Variants in WDR27 observed in about 807,000 individuals in gnomAD.
WDR27 encodes WD repeat-containing protein 27.
In WDR27, 100 loss-of-function variants were observed where a neutral mutation model predicts 114.4. That is an observed-to-expected ratio of 0.87 (90% CI 0.74 to 1.03). The LOEUF (loss-of-function observed/expected upper bound fraction) is 1.03. WDR27 is among the 50% of genes least tolerant of loss of function. The pLI is 0.00. For synonymous variants in WDR27, 449 were observed against 423.1 expected (o/e 1.06, Z -0.75); for missense variants, 1,129 against 1,092.9 (o/e 1.03, Z -0.47).
intron 25 of WDR27, among the ~76,000 whole-genome samples, chr6:169,507,392 G>A (rs73789984): frequency 0.016 from 2,499 of 152,278 alleles, 65 homozygotes; most frequent in African/African-American, 0.057. Context: ...GGCTGGGCAC[G>A]CTCTGCTTCA....
rs560399990 is a variant in WDR27, at chr6:169,618,627, C to CAAAA, written c.2224-4975_2224-4972dup. ...TAATGGTGGTGCACTTGGATGACTG[C>CAAAA]AAAAAAAAAAAAAAAAAAAAAACAT... On this transcript the variant is annotated intron_variant, in intron 21 of 25. Transcript: ENST00000448612. Among the ~76,000 whole-genome samples, 149 of 91,902 alleles carry CAAAA rather than the reference C, an allele frequency of 1.6e-3. 2 individuals carry two copies. Among genetic ancestry groups the CAAAA allele is most frequent in the Middle Eastern group, 0.02 (2 of 98 alleles). The allele number at this position is 91,902 out of a possible 152,430, so 60.3% of individuals were successfully genotyped here.
chr6:169,683,691 G>C (rs1176482371), intron 2 of WDR27, among the ~76,000 whole-genome samples: 1 of 152,188 alleles, frequency 6.6e-6, no homozygotes, highest in Non-Finnish European at 1.5e-5. Flanking sequence ...CAACTCCCCT[G>C]CCTGGGTCAA....
chr6:169,552,612 T>G (rs1212126010), intron 25 of WDR27, among the ~76,000 whole-genome samples: 1 of 152,186 alleles, frequency 6.6e-6, no homozygotes, highest in Non-Finnish European at 1.5e-5. Context: ...AAAGGCAAGA[T>G]TCATGCCAGG....
intron 22 of WDR27, among the ~76,000 whole-genome samples, chr6:169,607,598 T>C (rs1486120529): frequency 1.3e-5 from 2 of 152,012 alleles, no homozygotes; most frequent in Admixed American, 6.6e-5. Context: ...ACATAGAGTA[T>C]GAAACCATAG....
At chr6:169,487,066 G>A (rs1001010464) in intron 25 of WDR27, among the ~76,000 whole-genome samples, 1 of 152,144 alleles carries the variant, frequency 6.6e-6, no homozygotes, top group African/African-American at 2.4e-5. Flanking sequence ...TTTGAATCCT[G>A]GCAGTGCCAT....
intron 2 of WDR27, among the ~76,000 whole-genome samples, chr6:169,688,281 T>C (rs1399118789): frequency 6.6e-6 from 1 of 152,174 alleles, no homozygotes; most frequent in Non-Finnish European, 1.5e-5. Context: ...AAGTACGTAA[T>C]GTATAATCAC....
intron 8 of WDR27, among the ~76,000 whole-genome samples, 195 bp from the exon 9 acceptor site, chr6:169,662,619 G>A (rs75129247): frequency 0.08 from 10,845 of 135,226 alleles, 5 homozygotes; most frequent in African/African-American, 0.11. Flanking sequence ...ATCACGCGTC[G>A]AGGAAAGCAC....
chr6:169,514,308 G>A (rs1793335558), intron 25 of WDR27, among the ~76,000 whole-genome samples: 1 of 150,814 alleles, frequency 6.6e-6, no homozygotes, highest in Non-Finnish European at 1.5e-5. Flanking sequence ...ATAGAAAAGA[G>A]AAGTCAAACT....
chr6:169,573,655 A>G (rs1291687000), intron 24 of WDR27, among the ~76,000 whole-genome samples: 3 of 152,252 alleles, frequency 2.0e-5, no homozygotes, highest in African/African-American at 7.2e-5. Context: ...TATAAAATCA[A>G]TTTGATAATA....
At chr6:169,643,809 AG>A (rs1366785692) in intron 16 of WDR27, 23 bp from the exon 17 acceptor site, 1 of 1,593,978 alleles carries the variant, frequency 6.3e-7, no homozygotes, top group Non-Finnish European at 8.6e-7. Context: ...TTTTAAAAAA[AG>A]ACTTCTTAGA....
rs1782333174 is a variant in WDR27, at chr6:169,684,245, G to A, written c.189+4572C>T. On this transcript the variant is annotated intron_variant, in intron 2 of 25. Transcript: ENST00000448612. The surrounding 1 kb of genome is among the most constrained non-coding windows in gnomAD (Gnocchi z 4.3). Reference sequence around the variant, plus strand: ...CAAACCATTGCACACCCTCCTCAAAGCAGGAGAGGCTCCTGAGACTCCTAA... The same window carrying A: ...CAAACCATTGCACACCCTCCTCAAAACAGGAGAGGCTCCTGAGACTCCTAA... Among the ~76,000 whole-genome samples, 1 of 152,094 alleles carries A rather than the reference G, an allele frequency of 6.6e-6. No homozygotes were observed. Among genetic ancestry groups the A allele is most frequent in the Admixed American group, 6.5e-5 (1 of 15,272 alleles).
chr6:169,697,037 G>C (rs1194481798), intron 1 of WDR27, among the ~76,000 whole-genome samples: 2 of 152,226 alleles, frequency 1.3e-5, no homozygotes, highest in Non-Finnish European at 2.9e-5. Flanking sequence ...CGAGGCAAGA[G>C]ACCGAGGACA....
chr6:169,695,731 C>T (rs978362837), intron 1 of WDR27, among the ~76,000 whole-genome samples: 6 of 152,192 alleles, frequency 3.9e-5, no homozygotes, highest in African/African-American at 1.4e-4. Context: ...TTAGGCTACA[C>T]AGCCAAGGGA....
At chr6:169,691,288 AAAAC>A (rs1424126952) in intron 1 of WDR27, among the ~76,000 whole-genome samples, 4 of 152,360 alleles carry the variant, frequency 2.6e-5, no homozygotes, top group South Asian at 2.1e-4. Context: ...TATTTGGAGA[AAAAC>A]AAAATAAAAG....
At chr6:169,527,865 T>C (rs1488447848) in intron 25 of WDR27, among the ~76,000 whole-genome samples, 1 of 152,178 alleles carries the variant, frequency 6.6e-6, no homozygotes, top group Non-Finnish European at 1.5e-5. Flanking sequence ...GAAATATTTA[T>C]TGTAAAGCTA....
At chr6:169,665,359 C>T in intron 7 of WDR27, 127 bp downstream of exon 7, 1 of 1,443,884 alleles carries the variant, frequency 6.9e-7, no homozygotes, top group South Asian at 1.5e-5. Context: ...ACGTTCTCAG[C>T]ACTGAGGTGG....
chr6:169,690,690 TAGAA>T (rs888944009), intron 1 of WDR27, among the ~76,000 whole-genome samples: 2 of 152,102 alleles, frequency 1.3e-5, no homozygotes, highest in Non-Finnish European at 2.9e-5. Flanking sequence ...AGGAATTGCA[TAGAA>T]AGAAAGAGCA....
At chr6:169,540,632 T>G (rs1209054921) in intron 25 of WDR27, among the ~76,000 whole-genome samples, 1 of 152,036 alleles carries the variant, frequency 6.6e-6, no homozygotes, top group Non-Finnish European at 1.5e-5. Context: ...GTTTCACCAT[T>G]TTTTGGTCAG....
chr6:169,582,894 C>T lies in WDR27; in HGVS notation c.2465G>A (p.Arg822Gln), dbSNP rs370224643. 26 of 1,613,776 alleles carry T rather than the reference C, an allele frequency of 1.6e-5. No homozygotes were observed. The highest frequency in any genetic ancestry group is 1.6e-4 in the Middle Eastern group (1 of 6,084). The change falls in exon 24 of 26, where the codon CGG (arginine) becomes CAG (glutamine). Residue 822 changes from arginine to glutamine, a missense_variant. Physicochemically the swap from Arg to Gln is conservative, Grantham distance 43 (BLOSUM62 1). Transcript: ENST00000448612. ...YEMGSSTFSH[R>Q]LAGHTDTVTG... ...GACAGTGTCTGTGTGCCCAGCCAGC[C>T]GGTGAGAAAACGTGCTTGAGCCCAT...
Sources: allele counts gnomAD v4.1 joint callset (sites outside exome capture counted in the v4.1 genomes callset), GRCh38; gene constraint gnomAD v4.1.1; non-coding constraint Gnocchi (gnomAD v3.1); transcripts MANE v1.5; gene names NCBI Gene and HGNC (gene_info 2026-07-23, HGNC 2026-07-21).